Variants in SCFD2 observed in about 807,000 individuals in gnomAD.
SCFD2 encodes sec1 family domain containing 2, also known as sec1 family domain-containing protein 2.
Under a neutral mutation model 58.9 loss-of-function variants are expected in SCFD2, and 54 were observed. The ratio of observed to expected loss-of-function variants is 0.92; its 90% CI spans 0.74 to 1.15. The LOEUF is 1.15. Among genes scored for constraint, SCFD2 ranks in the 50% most tolerant of loss-of-function variants. SCFD2 has a pLI of 0.00. For missense variants in SCFD2, 805 were observed against 836.6 expected (o/e 0.96, Z 0.47); for synonymous variants, 321 against 335.9 (o/e 0.96, Z 0.49).
chr4:53,297,032 T>C (rs926932288), intron 3 of SCFD2, among the ~76,000 whole-genome samples: 2 of 152,170 alleles, frequency 1.3e-5, no homozygotes, highest in African/African-American at 4.8e-5. Context: ...TTCTATTGCA[T>C]TTTTTGAGGA....
chr4:53,215,779 G>A (rs1452711475), intron 4 of SCFD2, among the ~76,000 whole-genome samples: 2 of 151,996 alleles, frequency 1.3e-5, no homozygotes, highest in Non-Finnish European at 2.9e-5. Context: ...ATTGGCTGTG[G>A]GTTTGTCATA....
chr4:53,319,721 G>A (rs112380838), intron 2 of SCFD2, among the ~76,000 whole-genome samples: 16 of 152,050 alleles, frequency 1.1e-4, no homozygotes, highest in African/African-American at 2.7e-4. Context: ...TAGTAGAGAC[G>A]GGGTTTCACC....
At chr4:53,105,680 G>A (rs1352181102) in intron 5 of SCFD2, among the ~76,000 whole-genome samples, 1 of 152,190 alleles carries the variant, frequency 6.6e-6, no homozygotes, top group Non-Finnish European at 1.5e-5. Context: ...TAAGGCAGCA[G>A]CCCCAGTCAG....
rs1440305083 is a variant in SCFD2 at position 52,899,516 on chromosome 4, T to A, written c.1842+7941A>T. On this transcript the variant is annotated intron_variant, in intron 7 of 8. Transcript: ENST00000401642. Reference sequence around the variant, plus strand: ...GGCTTGTGGAGTTTCTGCGGAGAGATCTGCTGTTAGTCTGATGGGCTTCCC... The same window carrying A: ...GGCTTGTGGAGTTTCTGCGGAGAGAACTGCTGTTAGTCTGATGGGCTTCCC... 6.6e-5 allele frequency among the ~76,000 whole-genome samples: 10 copies of A among 152,314 alleles called. No individual in the cohort carries two copies. The East Asian group carries it at 1.7e-3, about 26-fold the overall frequency.
chr4:53,234,624 T>A lies in SCFD2; in HGVS notation c.1311+39202A>T, dbSNP rs540589849. The stretch of plus-strand genomic sequence containing the variant: ...ATTTCTTTGGAAAATTTAAAAATTT[T>A]AAAAATTTAGGTTTGCACCAAAGTA... On this transcript the variant is annotated intron_variant, in intron 4 of 8. Coordinates refer to ENST00000401642, the MANE Select transcript of SCFD2 (RefSeq NM_152540.4). Among the ~76,000 whole-genome samples the A allele has an allele frequency of 4.6e-5, 7 of 152,302 alleles. No homozygotes were observed. In the East Asian group the frequency reaches 7.7e-4, roughly 17 times the overall value.
chr4:53,248,471 G>C (rs1730203656), intron 4 of SCFD2, among the ~76,000 whole-genome samples: 1 of 152,208 alleles, frequency 6.6e-6, no homozygotes, highest in Non-Finnish European at 1.5e-5. Flanking sequence ...CTAGGGGCAG[G>C]GCACAGACAA....
Position 52,885,813 on chromosome 4 carries a change from A to G in SCFD2, c.1896T>C (p.Gly632=), listed in dbSNP as rs754756038. Residue 632 remains glycine (G), a synonymous_variant, in exon 8 of 9, where the codon GGT becomes GGC. Coordinates refer to ENST00000401642, the MANE Select transcript of SCFD2 (RefSeq NM_152540.4). ...TTTTCACTTCAGAGACTGTGACCCC[A>G]CCTACCACAAAGAGGATCAGGAGGG... ...DYPLLILFVV[G]GVTVSEVKMV... 6.2e-7 allele frequency: 1 copy of G among 1,613,946 alleles called. No individual in the cohort carries two copies.
At chr4:53,041,000 C>A (rs1210987566) in intron 5 of SCFD2, among the ~76,000 whole-genome samples, 1 of 152,152 alleles carries the variant, frequency 6.6e-6, no homozygotes, top group East Asian at 1.9e-4. Flanking sequence ...AAGAAAACCA[C>A]AGGAACTATT....
intron 4 of SCFD2, among the ~76,000 whole-genome samples, chr4:53,154,999 T>C (rs1726623761): frequency 6.6e-6 from 1 of 152,216 alleles, no homozygotes; most frequent in African/African-American, 2.4e-5. Context: ...ACAACCCTGA[T>C]GACATCTTGA....
At chr4:52,905,216 A>G (rs1414828779) in intron 7 of SCFD2, among the ~76,000 whole-genome samples, 2 of 152,252 alleles carry the variant, frequency 1.3e-5, no homozygotes, top group Admixed American at 1.3e-4. Context: ...CCTCACCTCT[A>G]TCTCAAAGAA....
intron 2 of SCFD2, among the ~76,000 whole-genome samples, chr4:53,350,480 C>T (rs1364949582): frequency 6.6e-6 from 1 of 152,206 alleles, no homozygotes; most frequent in African/African-American, 2.4e-5. Context: ...TCCTTCCTTT[C>T]ATTCTTTTAG....
intron 5 of SCFD2, among the ~76,000 whole-genome samples, chr4:52,963,365 A>T (rs937479965): frequency 4.6e-5 from 7 of 152,230 alleles, no homozygotes; most frequent in Non-Finnish European, 2.9e-5. Context: ...TACTGCTTTA[A>T]AAATGTTCAC....
At chr4:53,289,498 G>C (rs1269328028) in intron 3 of SCFD2, among the ~76,000 whole-genome samples, 1 of 151,838 alleles carries the variant, frequency 6.6e-6, no homozygotes, top group Admixed American at 6.6e-5. Context: ...AAAAAGAAAA[G>C]GAATCAAGGC....
intron 4 of SCFD2, among the ~76,000 whole-genome samples, chr4:53,218,028 G>C (rs1008246014): frequency 6.6e-6 from 1 of 152,160 alleles, no homozygotes. Context: ...ACTCTGTTGG[G>C]CTTCCCTTTG....
intron 2 of SCFD2, among the ~76,000 whole-genome samples, chr4:53,352,004 G>A (rs1450089400): frequency 2.0e-5 from 3 of 151,930 alleles, no homozygotes; most frequent in Non-Finnish European, 4.4e-5. Flanking sequence ...ATTCCCAAGA[G>A]AATTGTTAAT....
At chr4:53,272,512 T>C (rs577185632) in intron 4 of SCFD2, among the ~76,000 whole-genome samples, 3 of 152,250 alleles carry the variant, frequency 2.0e-5, no homozygotes, top group African/African-American at 4.8e-5. Flanking sequence ...CATGGAACAC[T>C]ATGCAGCCAT....
chr4:52,940,132 C>T lies in SCFD2; in HGVS notation c.1562-19262G>A, dbSNP rs886141456. Among the ~76,000 whole-genome samples the T allele has an allele frequency of 2.4e-4, 36 of 152,228 alleles. 1 individual carries two copies. Among genetic ancestry groups the T allele is most frequent in the Admixed American group, 1.9e-3 (29 of 15,288 alleles). On this transcript the variant is annotated intron_variant, in intron 5 of 8. Coordinates refer to ENST00000401642, the MANE Select transcript of SCFD2 (RefSeq NM_152540.4). ...TCACATTTATCAGAACTTTACTATG[C>T]CTGACCTGCGAGCTACTCAATAAAT...
chr4:53,110,852 A>G (rs1267409558), intron 5 of SCFD2, among the ~76,000 whole-genome samples: 1 of 152,182 alleles, frequency 6.6e-6, no homozygotes, highest in Non-Finnish European at 1.5e-5. Flanking sequence ...TACCCAAAGG[A>G]TGATAAATCA....
chr4:53,228,436 C>T (rs1729301771), intron 4 of SCFD2, among the ~76,000 whole-genome samples: 2 of 152,146 alleles, frequency 1.3e-5, no homozygotes, highest in African/African-American at 4.8e-5. Context: ...GTCACTTAAA[C>T]TTGTTGTCTT....
Sources: allele counts gnomAD v4.1 joint callset (sites outside exome capture counted in the v4.1 genomes callset), GRCh38; gene constraint gnomAD v4.1.1; transcripts MANE v1.5; gene names NCBI Gene and HGNC (gene_info 2026-07-23, HGNC 2026-07-21).